Variants in KCNN2 observed in about 807,000 individuals in gnomAD.
KCNN2 encodes the protein small conductance calcium-activated potassium channel protein 2.
In KCNN2, 24 loss-of-function variants were observed where a neutral mutation model predicts 55.5. The observed-to-expected ratio is 0.43, with a 90% CI of 0.31 to 0.61. The LOEUF is 0.61. KCNN2 is among the 20% of genes least tolerant of loss of function. The probability of loss-of-function intolerance (pLI) is 0.08; values close to 1 mark genes in which losing one functional copy is unlikely to be tolerated. For missense variants in KCNN2, 754 were observed against 853.6 expected (o/e 0.88, Z 1.45); for synonymous variants, 431 against 336.1 (o/e 1.28, Z -3.09).
chr5:114,355,074 G>T (rs1757273578), intron 2 of KCNN2, among the ~76,000 whole-genome samples: 1 of 152,136 alleles, frequency 6.6e-6, no homozygotes, highest in African/African-American at 2.4e-5. Flanking sequence ...GCAAATTGTG[G>T]TTCTTTCCCT....
At chr5:114,465,141 A>G (rs547210819) in intron 4 of KCNN2, among the ~76,000 whole-genome samples, 2 of 152,312 alleles carry the variant, frequency 1.3e-5, no homozygotes, top group South Asian at 4.1e-4. Context: ...ATCTGAGCCA[A>G]ATTTGAGGTT....
intron 2 of KCNN2, among the ~76,000 whole-genome samples, chr5:114,315,445 GTGTGTGTGTGTGTGTGTGTGTATA>G (rs1756482103): frequency 9.3e-6 from 1 of 107,744 alleles, no homozygotes; most frequent in Non-Finnish European, 1.9e-5. Flanking sequence ...GTGTGTGTGT[GTGTGTGTGTGTGTGTGTGTGTATA>G]TATATATAAA....
chr5:114,404,376 G>C, intron 2 of KCNN2, 62 bp from the exon 3 acceptor site: 1 of 1,336,902 alleles, frequency 7.5e-7, no homozygotes, highest in Non-Finnish European at 1.0e-6. Context: ...TTTAAAATCT[G>C]CACTAACACT....
chr5:114,398,932 G>A (rs1758700804), intron 2 of KCNN2, among the ~76,000 whole-genome samples: 1 of 152,086 alleles, frequency 6.6e-6, no homozygotes, highest in Non-Finnish European at 1.5e-5. Flanking sequence ...TTAAATCATT[G>A]AACTTTTGTG....
chr5:114,479,083 A>C (rs189432650), intron 5 of KCNN2, among the ~76,000 whole-genome samples: 1 of 152,338 alleles, frequency 6.6e-6, no homozygotes, highest in Admixed American at 6.5e-5. Flanking sequence ...TGAATGCCAC[A>C]ATTAAAAGAC....
chr5:114,391,989 T>C (rs919274179), intron 2 of KCNN2, among the ~76,000 whole-genome samples: 47 of 152,162 alleles, frequency 3.1e-4, no homozygotes, highest in African/African-American at 1.1e-3. Context: ...GTCTGTCTTT[T>C]TTTAATCTAA....
intron 3 of KCNN2, among the ~76,000 whole-genome samples, chr5:114,413,095 A>G (rs1387154099): frequency 6.6e-6 from 1 of 152,226 alleles, no homozygotes; most frequent in African/African-American, 2.4e-5. Flanking sequence ...CTTTCAAGTT[A>G]TAAAAGTCGG....
intron 2 of KCNN2, among the ~76,000 whole-genome samples, chr5:114,272,413 C>CACACATATATGTATGTACATATCATA (rs77230453): frequency 8.6e-5 from 2 of 23,286 alleles, no homozygotes; most frequent in African/African-American, 1.4e-4. Context: ...ATGTACATAT[C>CACACATATATGTATGTACATATCATA]TACACACATA....
chr5:114,254,350 A>G (rs1341626760), intron 2 of KCNN2, among the ~76,000 whole-genome samples: 1 of 152,238 alleles, frequency 6.6e-6, no homozygotes, highest in East Asian at 1.9e-4. Context: ...AATCCTGTAT[A>G]TGCACAGATT....
At chr5:114,475,148 T>C (rs1348543958) in intron 5 of KCNN2, among the ~76,000 whole-genome samples, 2 of 152,146 alleles carry the variant, frequency 1.3e-5, no homozygotes, top group African/African-American at 4.8e-5. Context: ...CTACCACCTT[T>C]GATAAAAATT....
At chr5:114,140,660 G>T (rs989531925) in intron 1 of KCNN2, among the ~76,000 whole-genome samples, 26 of 151,290 alleles carry the variant, frequency 1.7e-4, no homozygotes, top group Admixed American at 5.3e-4. Flanking sequence ...TTAGGATTTG[G>T]TTTTTTTCTA....
intron 1 of KCNN2, among the ~76,000 whole-genome samples, chr5:114,092,279 A>C (rs370006860): frequency 6.6e-6 from 1 of 152,192 alleles, no homozygotes. Context: ...TAAAGTTCCA[A>C]AATGATGTCC....
chr5:114,217,915 A>G (rs1456143420), intron 1 of KCNN2, among the ~76,000 whole-genome samples: 2 of 152,220 alleles, frequency 1.3e-5, no homozygotes, highest in African/African-American at 2.4e-5. Context: ...GAAAATGACC[A>G]AATTAAAAAA....
At chr5:114,373,066 C>G (rs971525257) in intron 2 of KCNN2, among the ~76,000 whole-genome samples, 20 of 152,060 alleles carry the variant, frequency 1.3e-4, no homozygotes, top group Non-Finnish European at 7.4e-5. Flanking sequence ...ATTATTCTTC[C>G]AAAAGTTTTT....
At chr5:114,107,277 A>G (rs1352368421) in intron 1 of KCNN2, among the ~76,000 whole-genome samples, 3 of 148,760 alleles carry the variant, frequency 2.0e-5, no homozygotes, top group Admixed American at 2.0e-4. Context: ...CCAGTACCAT[A>G]GTGTTTTTTT....
chr5:114,353,274 A>T (rs1049693645), intron 2 of KCNN2, among the ~76,000 whole-genome samples: 3 of 151,726 alleles, frequency 2.0e-5, no homozygotes, highest in African/African-American at 7.2e-5. Flanking sequence ...AACTTGTTAT[A>T]CTAACCTATT....
intron 1 of KCNN2, among the ~76,000 whole-genome samples, chr5:114,160,609 A>T (rs944713508): frequency 4.6e-5 from 7 of 152,072 alleles, no homozygotes; most frequent in African/African-American, 1.4e-4. Context: ...TGGGGTGTTA[A>T]AGTCTCCCAT....
In KCNN2 at chr5:114,183,058, G is replaced by A. The variant is rs373124617; in HGVS notation, c.-270-38422G>A. Among the ~76,000 whole-genome samples the A allele has an allele frequency of 1.3e-4, 20 of 152,064 alleles. No individual in the cohort carries two copies. The East Asian group carries it at 1.5e-3, about 12-fold the overall frequency. On this transcript the variant is annotated intron_variant, in intron 1 of 10. Transcript: ENST00000512097. ...ACTTACTTTCTGTTCCTGGCTTGTCGAGAGGATTTTATTTTTAATCATGAA... is the reference window on the plus strand; with the variant it reads ...ACTTACTTTCTGTTCCTGGCTTGTCAAGAGGATTTTATTTTTAATCATGAA...
intron 1 of KCNN2, among the ~76,000 whole-genome samples, chr5:114,217,336 C>T (rs1268078994): frequency 1.3e-5 from 2 of 152,046 alleles, no homozygotes; most frequent in Non-Finnish European, 2.9e-5. Flanking sequence ...CTGACACCAC[C>T]TAACTTCAAG....
Sources: allele counts gnomAD v4.1 joint callset (sites outside exome capture counted in the v4.1 genomes callset), GRCh38; gene constraint gnomAD v4.1.1; transcripts MANE v1.5; gene names NCBI Gene and HGNC (gene_info 2026-07-23, HGNC 2026-07-21).